Variants in RIF1 observed in about 807,000 individuals in gnomAD.
The protein encoded by RIF1 is replication timing regulatory factor 1, also known as telomere-associated protein RIF1.
In RIF1, 45 loss-of-function variants were observed where a neutral mutation model predicts 247.1. That is an observed-to-expected ratio of 0.18 (90% CI 0.14 to 0.23). The LOEUF (loss-of-function observed/expected upper bound fraction) is 0.23. RIF1 is among the 10% of genes least tolerant of loss of function. The pLI is 1.00. For synonymous variants in RIF1, 1,087 were observed against 978.8 expected (o/e 1.11, Z -2.06); for missense variants, 2,967 against 2,862.5 (o/e 1.04, Z -0.83).
At chr2:151,506,168 A>C (rs1323621741) in intron 12 of RIF1, 1 of 1,608,180 alleles carries the variant, frequency 6.2e-7, no homozygotes. Flanking sequence ...GTCTTTACCG[A>C]GCTAATGTGG....
chr2:151,467,930 A>G lies in RIF1; in HGVS notation c.6601-70A>G, dbSNP rs1465848242. On this transcript the variant is annotated intron_variant, in intron 30 of 35. Coordinates refer to ENST00000444746, the MANE Select transcript of RIF1 (RefSeq NM_018151.5). ...CATTCTATTTTTGGGTAACCTCATAATGAAAATTTATGGTGTAATTTTTTA... is the reference window on the plus strand; with the variant it reads ...CATTCTATTTTTGGGTAACCTCATAGTGAAAATTTATGGTGTAATTTTTTA... The G allele has an allele frequency of 3.4e-6, 5 of 1,456,494 alleles. No homozygotes were observed. The African/African-American group carries it at 4.3e-5, about 12-fold the overall frequency. 90.2% of individuals were successfully genotyped at this position (1,456,494 alleles called of 1,614,324 possible).
intron 8 of RIF1, among the ~76,000 whole-genome samples, chr2:151,427,638 C>T (rs1271389356): frequency 6.7e-6 from 1 of 149,408 alleles, no homozygotes; most frequent in Non-Finnish European, 1.5e-5. Flanking sequence ...ATCCGGTTTT[C>T]TACCAGCTGT....
chr2:151,434,988 C>T (rs1363393085), intron 10 of RIF1, among the ~76,000 whole-genome samples: 2 of 152,060 alleles, frequency 1.3e-5, no homozygotes, highest in Non-Finnish European at 2.9e-5. Flanking sequence ...ATTTATATAA[C>T]ATGAAATAAT....
chr2:151,519,075 T>C, the RIF1 span: 13 of 1,570,612 alleles, frequency 8.3e-6, no homozygotes, highest in Non-Finnish European at 1.1e-5. Flanking sequence ...TTAACCTGTG[T>C]GTTATGGGGG....
chr2:151,531,705 C>A, the RIF1 span: 3 of 1,040,454 alleles, frequency 2.9e-6, no homozygotes, highest in Non-Finnish European at 4.4e-6. Flanking sequence ...CAGTAGTCTC[C>A]CAGACTTTGT....
chr2:151,499,828 G>C (rs2063086610), intron 11 of RIF1, among the ~76,000 whole-genome samples: 1 of 152,158 alleles, frequency 6.6e-6, no homozygotes, highest in African/African-American at 2.4e-5. Context: ...TTAAGTTCAA[G>C]TTGTTGTAGA....
At chr2:151,448,511 G>T (rs1026809287) in intron 20 of RIF1, among the ~76,000 whole-genome samples, 6 of 152,098 alleles carry the variant, frequency 3.9e-5, no homozygotes, top group Admixed American at 6.5e-5. Context: ...AATTCTAATT[G>T]TATTTGTCGG....
At chr2:151,530,015 C>T in the RIF1 span, among the ~76,000 whole-genome samples, 11 of 152,222 alleles carry the variant, frequency 7.2e-5, no homozygotes, top group South Asian at 2.1e-4. Context: ...TTCTGTGCTC[C>T]GGCAGTTATA....
At position 151,453,107 on chromosome 2, in the gene RIF1, G is replaced by A. The variant is rs184046873; in HGVS notation, c.2344+1402G>A. On this transcript the variant is annotated intron_variant, in intron 21 of 35. Transcript: ENST00000444746. ...CTGCAAGAGTTTATGTGGAAACTTC[G>A]TATTCCTTTACTCAGGTTTCTCAAT... is the stretch of plus-strand genomic sequence containing the variant. 3.9e-5 allele frequency among the ~76,000 whole-genome samples: 6 copies of A among 152,060 alleles called. No homozygotes were observed. The East Asian group carries it at 7.7e-4, about 20-fold the overall frequency.
the RIF1 span, chr2:151,519,094 A>G: frequency 1.4e-6 from 2 of 1,407,522 alleles, no homozygotes; most frequent in Non-Finnish European, 1.0e-6. Flanking sequence ...GGAAGAAAGG[A>G]AATCACGTAA....
At chr2:151,467,223 CAA>C (rs1697062778) in intron 30 of RIF1, among the ~76,000 whole-genome samples, 1 of 150,574 alleles carries the variant, frequency 6.6e-6, no homozygotes, top group Non-Finnish European at 1.5e-5. Flanking sequence ...GCGAGACTCT[CAA>C]AAAAAGAAAA....
rs560634136 is a variant in RIF1 at position 151,489,758 on chromosome 2, T to G, written c.*416-5471T>G. Among the ~76,000 whole-genome samples, 25 of 148,364 alleles carry G rather than the reference T, an allele frequency of 1.7e-4. 1 individual carries two copies. The East Asian group carries it at 3.9e-3, about 23-fold the overall frequency. ...ACTGATGCTTTGCTCTAGGTTTGGGTTTTTTTTTTAAGTTATTGAATAATG... is the reference window on the plus strand; with the variant it reads ...ACTGATGCTTTGCTCTAGGTTTGGGGTTTTTTTTTAAGTTATTGAATAATG... On this transcript the variant is annotated intron_variant and NMD_transcript_variant, in intron 9 of 13. Coordinates refer to the RIF1 transcript ENST00000454583.
intron 31 of RIF1, 41 bp from the exon 32 acceptor site, chr2:151,468,433 T>C (rs1273619717): frequency 6.8e-7 from 1 of 1,467,632 alleles, no homozygotes; most frequent in Admixed American, 1.7e-5. Context: ...TATAGTCATC[T>C]AGGGTTCTGA....
the RIF1 span, chr2:151,519,855 A>G: frequency 4.7e-6 from 4 of 844,264 alleles, no homozygotes; most frequent in East Asian, 4.9e-5. Flanking sequence ...ATGCCAAAGA[A>G]TATGCATTGT....
At chr2:151,457,632 GATAT>G in intron 23 of RIF1, 125 bp from the exon 24 acceptor site, 1 of 633,152 alleles carries the variant, frequency 1.6e-6, no homozygotes, top group Non-Finnish European at 2.7e-6. Flanking sequence ...TATAAAGAGG[GATAT>G]ATATTTAAGG....
chr2:151,475,229 A>G lies in RIF1; in HGVS notation c.*158A>G, dbSNP rs192142053. 9 of 610,636 alleles carry G rather than the reference A, an allele frequency of 1.5e-5. No homozygotes were observed. The highest frequency in any genetic ancestry group is 3.1e-5 in the Admixed American group (1 of 32,186). The allele number at this position is 610,636 out of a possible 1,614,324, so 37.8% of individuals were successfully genotyped here. On this transcript the variant is annotated 3_prime_UTR_variant, in exon 36 of 36. Transcript: ENST00000444746. ...GACAGTGACTTATTATGTAAGTTCA[A>G]TTTTGTAAGTTCATTATGTAAGATC...
chr2:151,464,935 T>C lies in RIF1; in HGVS notation c.5415T>C (p.Asp1805=), dbSNP rs769187440. 6 of 1,571,566 alleles carry C rather than the reference T, an allele frequency of 3.8e-6. No homozygotes were observed. Among genetic ancestry groups the C allele is most frequent in the Non-Finnish European group, 5.2e-6 (6 of 1,164,840 alleles). Residue 1805 remains aspartate (D), a synonymous_variant, in exon 30 of 36, where the codon GAT becomes GAC. Transcript: ENST00000444746. ...ATTTGGGTCTCAAAGAGGATAATGA[T>C]ACTATTAATGATTCATTAATTGTTT... The part of the protein sequence containing the change: ...NFHLGLKEDN[D]TINDSLIVSE...
chr2:151,534,039 A>C, the RIF1 span, among the ~76,000 whole-genome samples: 1 of 152,218 alleles, frequency 6.6e-6, no homozygotes, highest in Non-Finnish European at 1.5e-5. Flanking sequence ...CAGAGCATGG[A>C]CTGGCACACT....
intron 21 of RIF1, among the ~76,000 whole-genome samples, chr2:151,453,045 T>A (rs1450447967): frequency 6.6e-6 from 1 of 152,180 alleles, no homozygotes; most frequent in East Asian, 1.9e-4. Flanking sequence ...GATTTTTTGG[T>A]GACTTACATT....
Sources: gnomAD v4.1 joint callset for allele counts (sites outside exome capture counted in the v4.1 genomes callset) on GRCh38, gnomAD v4.1.1 for gene constraint, MANE v1.5 for transcripts, NCBI Gene and HGNC (gene_info 2026-07-23, HGNC 2026-07-21) for gene names.